RARB: variants seen among roughly 807,000 people sequenced by gnomAD.
The protein encoded by RARB is retinoic acid receptor beta, also known as HBV-activated protein.
A neutral mutation model predicts 51.9 loss-of-function variants in RARB; 17 were observed. The ratio of observed to expected loss-of-function variants is 0.33; its 90% CI spans 0.22 to 0.49. The LOEUF is 0.49. RARB is among the 20% of genes least tolerant of loss of function. The pLI is 0.99. For synonymous variants in RARB, 215 were observed against 195.4 expected (o/e 1.10, Z -0.84); for missense variants, 369 against 550.8 (o/e 0.67, Z 3.30).
At chr3:24,945,304 G>T (rs563525163) in intron 2 of RARB, among the ~76,000 whole-genome samples, 2 of 152,250 alleles carry the variant, frequency 1.3e-5, no homozygotes, top group South Asian at 4.1e-4. Context: ...CTTTTAAAAG[G>T]ATCTGTACAC....
intron 2 of RARB, among the ~76,000 whole-genome samples, chr3:24,950,243 C>A (rs1695859931): frequency 6.6e-6 from 1 of 152,180 alleles, no homozygotes; most frequent in Admixed American, 6.5e-5. Context: ...TGTCTCGAAA[C>A]AGTTTCATTT....
chr3:25,253,229 A>G (rs1011783679), intron 5 of RARB, among the ~76,000 whole-genome samples: 1 of 152,124 alleles, frequency 6.6e-6, no homozygotes, highest in Non-Finnish European at 1.5e-5. Flanking sequence ...TTTGATACAC[A>G]TGTGTTTTTT....
chr3:25,208,906 C>G (rs186034086), intron 5 of RARB, among the ~76,000 whole-genome samples: 171 of 152,212 alleles, frequency 1.1e-3, no homozygotes, highest in Admixed American at 2.6e-3. Context: ...TTTCCTCTTA[C>G]GAAGGAACTC....
At chr3:24,876,499 A>T (rs1200111541) in intron 2 of RARB, among the ~76,000 whole-genome samples, 3 of 152,176 alleles carry the variant, frequency 2.0e-5, no homozygotes, top group Non-Finnish European at 4.4e-5. Flanking sequence ...GCTCAGTCCT[A>T]TGAAGCATAA....
intron 1 of RARB, among the ~76,000 whole-genome samples, chr3:24,849,665 G>A (rs1702531037): frequency 6.6e-6 from 1 of 152,180 alleles, no homozygotes; most frequent in Non-Finnish European, 1.5e-5. Context: ...TCTCCATAAA[G>A]CACATCGCAG....
intron 5 of RARB, among the ~76,000 whole-genome samples, chr3:25,219,571 G>A (rs533625311): frequency 2.0e-5 from 3 of 152,314 alleles, no homozygotes; most frequent in African/African-American, 7.2e-5. Flanking sequence ...GGAAGTGCCT[G>A]TTCCTTTGTT....
chr3:24,867,783 T>G (rs78846640), intron 2 of RARB, among the ~76,000 whole-genome samples: 3,590 of 152,186 alleles, frequency 0.024, 80 homozygotes, highest in Middle Eastern at 0.058. Context: ...AGTGGTCCAT[T>G]AAGTTGAAAA....
At chr3:24,889,527 A>G (rs551958138) in intron 2 of RARB, among the ~76,000 whole-genome samples, 2 of 152,304 alleles carry the variant, frequency 1.3e-5, no homozygotes, top group South Asian at 2.1e-4. Flanking sequence ...ATGAAATTAT[A>G]TGGTACACAT....
chr3:24,848,849 T>C (rs1378120214), intron 1 of RARB, among the ~76,000 whole-genome samples: 1 of 152,248 alleles, frequency 6.6e-6, no homozygotes, highest in Non-Finnish European at 1.5e-5. Flanking sequence ...ACTGTGTTTA[T>C]ATCTGGGTAT....
intron 5 of RARB, among the ~76,000 whole-genome samples, chr3:25,591,190 T>A (rs956543076): frequency 1.4e-4 from 22 of 152,236 alleles, no homozygotes; most frequent in African/African-American, 5.1e-4. Context: ...CTCACATTAA[T>A]GATCAATTGC....
intron 2 of RARB, among the ~76,000 whole-genome samples, chr3:24,981,715 G>A (rs1321443241): frequency 1.3e-5 from 2 of 152,102 alleles, no homozygotes; most frequent in South Asian, 4.1e-4. Context: ...TTAGGAAAGG[G>A]AAATCTCCTG....
intron 3 of RARB, among the ~76,000 whole-genome samples, chr3:25,508,231 G>A (rs905553459): frequency 1.3e-5 from 2 of 152,152 alleles, no homozygotes; most frequent in African/African-American, 4.8e-5. Flanking sequence ...GGCATATTGA[G>A]CTTAAAAACA....
chr3:24,971,385 GT>G (rs1449228952), intron 2 of RARB, among the ~76,000 whole-genome samples: 3 of 151,994 alleles, frequency 2.0e-5, no homozygotes, highest in Admixed American at 1.3e-4. Context: ...TGTATGTAGT[GT>G]TTTGAATAAT....
chr3:25,290,413 C>T (rs561080165), intron 5 of RARB, among the ~76,000 whole-genome samples: 7 of 152,222 alleles, frequency 4.6e-5, no homozygotes, highest in Non-Finnish European at 1.0e-4. Flanking sequence ...ACCTTGATTT[C>T]ACACTGCTAG....
chr3:25,576,562 C>T (rs909089832), intron 4 of RARB, among the ~76,000 whole-genome samples: 5 of 152,182 alleles, frequency 3.3e-5, no homozygotes, highest in Non-Finnish European at 7.3e-5. Flanking sequence ...TGTCCCAGCT[C>T]AGGAATCTTA....
chr3:25,296,244 A>G (rs1703911650), intron 5 of RARB, among the ~76,000 whole-genome samples: 1 of 152,200 alleles, frequency 6.6e-6, no homozygotes. Flanking sequence ...CCACAGTAGA[A>G]AATTCAAAGG....
chr3:25,169,954 C>T (rs543218986), intron 4 of RARB, among the ~76,000 whole-genome samples: 60 of 146,014 alleles, frequency 4.1e-4, no homozygotes, highest in Non-Finnish European at 5.9e-4. Flanking sequence ...TGCTGCTGCA[C>T]GCCAGCCTGG....
At chr3:24,906,170 C>T (rs572335131) in intron 2 of RARB, among the ~76,000 whole-genome samples, 1 of 152,128 alleles carries the variant, frequency 6.6e-6, no homozygotes, top group Non-Finnish European at 1.5e-5. Flanking sequence ...GATGTCGTGG[C>T]CACATTTTGG....
intron 1 of RARB, among the ~76,000 whole-genome samples, chr3:25,433,940 C>T (rs1011147098): frequency 1.3e-5 from 2 of 152,212 alleles, no homozygotes; most frequent in Non-Finnish European, 2.9e-5. Context: ...CTTGAGCTTT[C>T]AGAGCTTCTT....
Sources: gnomAD v4.1 joint callset for allele counts (sites outside exome capture counted in the v4.1 genomes callset) on GRCh38, gnomAD v4.1.1 for gene constraint, MANE v1.5 for transcripts, NCBI Gene and HGNC (gene_info 2026-07-23, HGNC 2026-07-21) for gene names.